The following MTRFR variants were observed in gnomAD, a reference collection of about 807,000 sequenced individuals.
MTRFR encodes mitochondrial translation release factor in rescue.
In MTRFR, 10 loss-of-function variants were observed where a neutral mutation model predicts 11.9. The observed-to-expected ratio is 0.84, with a 90% CI of 0.52 to 1.42. MTRFR has a LOEUF of 1.42. Ranked by LOEUF, MTRFR falls within the 40% of genes most tolerant of loss-of-function variation. MTRFR has a pLI of 0.00. For missense variants in MTRFR, 196 were observed against 197.9 expected, an observed-to-expected ratio of 0.99 and a Z score of 0.06; for synonymous variants, 77 against 79.1, an observed-to-expected ratio of 0.97 and a Z score of 0.14.
Position 123,249,010 on chromosome 12 carries a change from C to CA in MTRFR, c.-28-4636dup, listed in dbSNP as rs2048080299. 3 of 152,138 alleles carry CA rather than the reference C, an allele frequency of 2.0e-5. No individual in the cohort carries two copies. The South Asian group carries it at 6.2e-4, about 32-fold the overall frequency. The allele number at this position is 152,138 out of a possible 1,614,324, so 9.4% of individuals were successfully genotyped here. A position where few individuals can be genotyped will look rare whatever the true frequency, so the allele number is the denominator to read the frequency against. On this transcript the variant is annotated intron_variant, in intron 1 of 2. Transcript: ENST00000253233. ...GTGTTTACAAACCTTCAGCTAGACA[C>CA]AGAGTGCTGATTGGTGCATTTACAA...
intron 1 of MTRFR, among the ~76,000 whole-genome samples, chr12:123,251,774 T>C (rs1377054586): frequency 6.6e-6 from 1 of 152,192 alleles, no homozygotes; most frequent in Non-Finnish European, 1.5e-5. Context: ...TTGCAGTTGA[T>C]CTAGAGCTAA....
At position 123,256,887 on chromosome 12, in the gene MTRFR, C is replaced by T. The variant is rs144049612; in HGVS notation, c.357C>T (p.Phe119=). 1.1e-5 allele frequency: 18 copies of T among 1,613,596 alleles called. 1 individual carries two copies. In the African/African-American group the frequency reaches 1.6e-4, roughly 14 times the overall value. ...TCCTACAAGAGAAAGTAGATGTTTT[C>T]TACAATGGTGAAAACAGTCCTGTTC... The part of the protein sequence containing the change: ...RKILQEKVDV[F]YNGENSPVHK... Residue 119 remains phenylalanine (F), a synonymous_variant, in exon 3 of 3, where the codon TTC becomes TTT. Transcript: ENST00000253233.
upstream of MTRFR, chr12:123,233,138 A>C (rs1038059768): frequency 3.3e-5 from 3 of 91,330 alleles, no homozygotes; most frequent in South Asian, 1.3e-3. Flanking sequence ...CCGTTACCCG[A>C]GGGAGCGCGC....
At position 123,253,745 on chromosome 12, in the gene MTRFR, G is replaced by T. The variant is rs144150548; in HGVS notation, c.71G>T (p.Arg24Leu). The change falls in exon 2 of 3, where the codon CGG (arginine) becomes CTG (leucine). Residue 24 changes from arginine (R) to leucine (L), a missense_variant. By Grantham distance (102) the Arg-to-Leu change is moderately radical (BLOSUM62 -2). Transcript: ENST00000253233. Reference protein sequence around the residue: ...TRICPAPWGLRLWEKLTLLSP... With the variant: ...TRICPAPWGLLLWEKLTLLSP... ...ATATGCCCGGCGCCATGGGGACTCC[G>T]GCTTTGGGAGAAGCTGACGTTGTTA... The T allele has an allele frequency of 5.0e-6, 8 of 1,614,130 alleles. No individual in the cohort carries two copies. Among genetic ancestry groups the T allele is most frequent in the Middle Eastern group, 1.6e-4 (1 of 6,062 alleles).
chr12:123,235,290 G>A (rs560769003), intron 1 of MTRFR, among the ~76,000 whole-genome samples: 45 of 152,290 alleles, frequency 3.0e-4, no homozygotes, highest in African/African-American at 1.0e-3. Context: ...GACATTGAAC[G>A]CAGGTCTGTT....
intron 1 of MTRFR, among the ~76,000 whole-genome samples, chr12:123,242,918 T>C (rs1467469239): frequency 2.6e-5 from 4 of 152,208 alleles, no homozygotes; most frequent in Non-Finnish European, 1.5e-5. Context: ...CCATAATGAA[T>C]TGAATCCGGG....
intron 1 of MTRFR, among the ~76,000 whole-genome samples, chr12:123,244,746 C>T (rs560234996): frequency 1.4e-4 from 21 of 151,984 alleles, no homozygotes; most frequent in African/African-American, 5.1e-4. Context: ...GATTCTCCTG[C>T]CTCAGCCTCC....
At position 123,253,670 on chromosome 12, in the gene MTRFR, T is replaced by G. The variant is rs1485778579; in HGVS notation, c.-5T>G. On this transcript the variant is annotated 5_prime_UTR_variant, in exon 2 of 3. Coordinates refer to ENST00000253233, the MANE Select transcript of MTRFR (RefSeq NM_152269.5). ...AGGTCCTCAGCCAGCAGAGCCACGTTCCTTATGAGCACCGTGGGTTTATTT... is the reference window on the plus strand; with the variant it reads ...AGGTCCTCAGCCAGCAGAGCCACGTGCCTTATGAGCACCGTGGGTTTATTT... The G allele has an allele frequency of 2.5e-6, 4 of 1,614,050 alleles. No homozygotes were observed. The highest frequency in any genetic ancestry group is 3.4e-6 in the Non-Finnish European group (4 of 1,180,036).
chr12:123,242,146 T>C (rs1565992704), intron 1 of MTRFR, among the ~76,000 whole-genome samples: 2 of 152,318 alleles, frequency 1.3e-5, no homozygotes. Flanking sequence ...AGACCTGTTA[T>C]CTCTGAACTT....
chr12:123,255,383 A>G (rs2048172149), intron 2 of MTRFR, among the ~76,000 whole-genome samples: 1 of 152,168 alleles, frequency 6.6e-6, no homozygotes, highest in South Asian at 2.1e-4. Context: ...CTGAGAGTTA[A>G]TTTTTGTTTA....
chr12:123,242,352 G>C (rs2047953190), intron 1 of MTRFR, among the ~76,000 whole-genome samples: 1 of 152,144 alleles, frequency 6.6e-6, no homozygotes, highest in Non-Finnish European at 1.5e-5. Flanking sequence ...CCTCTTACTA[G>C]CACTTCTCTG....
chr12:123,246,105 T>C (rs1369403501), intron 1 of MTRFR, among the ~76,000 whole-genome samples: 2 of 152,338 alleles, frequency 1.3e-5, no homozygotes, highest in East Asian at 1.9e-4. Flanking sequence ...TCACCCAGGC[T>C]GGAGTGCAGT....
intron 1 of MTRFR, among the ~76,000 whole-genome samples, chr12:123,244,293 G>A (rs1316361681): frequency 1.3e-5 from 2 of 152,094 alleles, no homozygotes; most frequent in Admixed American, 6.5e-5. Flanking sequence ...TTAGCCGGGC[G>A]TGGTAGCACA....
intron 1 of MTRFR, among the ~76,000 whole-genome samples, chr12:123,238,131 G>C (rs764108024): frequency 2.6e-5 from 4 of 152,036 alleles, no homozygotes; most frequent in Admixed American, 2.6e-4. Flanking sequence ...CCTGAGCTCA[G>C]GCAATCCACC....
intron 1 of MTRFR, among the ~76,000 whole-genome samples, chr12:123,237,323 A>G (rs1267030199): frequency 2.0e-5 from 3 of 151,860 alleles, no homozygotes; most frequent in South Asian, 2.1e-4. Flanking sequence ...CCAGATACTC[A>G]GGAGGCTGAG....
Position 123,257,242 on chromosome 12 carries a change from C to A in MTRFR, c.*211C>A. The A allele has an allele frequency of 1.9e-6, 1 of 527,794 alleles. No individual in the cohort carries two copies. Among genetic ancestry groups the A allele is most frequent in the South Asian group, 2.1e-5 (1 of 46,778 alleles). 32.7% of individuals were successfully genotyped at this position (527,794 alleles called of 1,614,324 possible). ...ATAAAACTCGGCTGGGCACGGTGGA[C>A]GGTGCCTCACATCTGTAATCCCAGC... is the stretch of plus-strand genomic sequence containing the variant. On this transcript the variant is annotated 3_prime_UTR_variant, in exon 3 of 3. Transcript: ENST00000253233.
At chr12:123,243,120 T>A (rs940491655) in intron 1 of MTRFR, among the ~76,000 whole-genome samples, 3 of 152,214 alleles carry the variant, frequency 2.0e-5, no homozygotes, top group African/African-American at 7.2e-5. Flanking sequence ...TATACACATT[T>A]CATACACATT....
chr12:123,238,396 CCTT>C (rs972790504), intron 1 of MTRFR, among the ~76,000 whole-genome samples: 26 of 152,118 alleles, frequency 1.7e-4, no homozygotes, highest in Admixed American at 1.6e-3. Flanking sequence ...GGTTTCATCT[CCTT>C]CTTAAGGAAG....
At chr12:123,240,842 T>C (rs553547933) in intron 1 of MTRFR, among the ~76,000 whole-genome samples, 1 of 148,896 alleles carries the variant, frequency 6.7e-6, no homozygotes, top group Admixed American at 6.8e-5. Flanking sequence ...GAAGCGATTC[T>C]CCTGCCTCAG....
Sources: gnomAD v4.1 joint callset for allele counts (sites outside exome capture counted in the v4.1 genomes callset) on GRCh38, gnomAD v4.1.1 for gene constraint, MANE v1.5 for transcripts, NCBI Gene and HGNC (gene_info 2026-07-23, HGNC 2026-07-21) for gene names.